CNTNAP2: variants seen among roughly 807,000 people sequenced by gnomAD.
The protein encoded by CNTNAP2 is contactin associated protein 2.
A neutral mutation model predicts 155.2 loss-of-function variants in CNTNAP2; 98 were observed. The ratio of observed to expected loss-of-function variants is 0.63; its 90% CI spans 0.54 to 0.75. CNTNAP2 has a LOEUF of 0.75. Ranked by LOEUF, CNTNAP2 falls within the 30% of genes least tolerant of loss-of-function variation. The probability of loss-of-function intolerance (pLI) is 0.00; values close to 1 mark genes in which losing one functional copy is unlikely to be tolerated. For synonymous variants in CNTNAP2, 651 were observed against 631.2 expected, an observed-to-expected ratio of 1.03 and a Z score of -0.47; for missense variants, 1,727 against 1,688.1, an observed-to-expected ratio of 1.02 and a Z score of -0.40.
intron 13 of CNTNAP2, among the ~76,000 whole-genome samples, chr7:147,797,757 A>C (rs889626157): frequency 1.4e-4 from 21 of 152,182 alleles, no homozygotes; most frequent in African/African-American, 4.6e-4. Flanking sequence ...TAAATTACTA[A>C]AGGTGAAGAG....
chr7:148,380,211 C>G (rs1585321649), intron 21 of CNTNAP2, among the ~76,000 whole-genome samples: 1 of 152,322 alleles, frequency 6.6e-6, no homozygotes, highest in Non-Finnish European at 1.5e-5. Context: ...AACGTTGTTT[C>G]TTACAGTAAA....
At chr7:148,306,722 T>C (rs1797497714) in intron 21 of CNTNAP2, among the ~76,000 whole-genome samples, 1 of 152,182 alleles carries the variant, frequency 6.6e-6, no homozygotes, top group African/African-American at 2.4e-5. Context: ...CTTTTCCTAC[T>C]CAGCCTCTTT....
chr7:147,723,986 T>C (rs1525256), intron 13 of CNTNAP2, among the ~76,000 whole-genome samples: 137,974 of 151,928 alleles, frequency 0.91, 64,073 homozygotes, highest in East Asian at 1. Context: ...CTGCACAGTG[T>C]ATTTTTTCTC....
At chr7:146,895,694 A>G (rs964444175) in intron 3 of CNTNAP2, among the ~76,000 whole-genome samples, 1 of 152,142 alleles carries the variant, frequency 6.6e-6, no homozygotes, top group Non-Finnish European at 1.5e-5. Context: ...ATTACATGGC[A>G]CCATGGACAC....
intron 17 of CNTNAP2, among the ~76,000 whole-genome samples, chr7:148,162,832 C>T (rs1448712776): frequency 6.7e-6 from 1 of 150,216 alleles, no homozygotes; most frequent in Non-Finnish European, 1.5e-5. Flanking sequence ...CTTGTCTCTA[C>T]AAAAAAAAAT....
chr7:148,356,226 A>C (rs534370178), intron 21 of CNTNAP2, among the ~76,000 whole-genome samples: 1 of 141,382 alleles, frequency 7.1e-6, no homozygotes, highest in South Asian at 2.1e-4. Context: ...TTTAAAATAT[A>C]AAAAAAAGAC....
intron 8 of CNTNAP2, among the ~76,000 whole-genome samples, chr7:147,161,199 T>A (rs1460571705): frequency 6.6e-6 from 1 of 152,098 alleles, no homozygotes; most frequent in Non-Finnish European, 1.5e-5. Flanking sequence ...AAGAAATCTC[T>A]ATGGGGATGA....
chr7:148,254,987 A>G (rs1796434726), intron 20 of CNTNAP2, among the ~76,000 whole-genome samples: 4 of 152,178 alleles, frequency 2.6e-5, no homozygotes, highest in Admixed American at 2.6e-4. Context: ...AAAAAATGCC[A>G]TATAAAATTA....
At position 147,679,806 on chromosome 7, in the gene CNTNAP2, A is replaced by G. The variant is rs139427217; in HGVS notation, c.2098+40500A>G. Among the ~76,000 whole-genome samples the G allele has an allele frequency of 1.6e-3, 241 of 152,042 alleles. 1 individual carries two copies. Among genetic ancestry groups the G allele is most frequent in the African/African-American group, 5.4e-3 (226 of 41,526 alleles). On this transcript the variant is annotated intron_variant, in intron 13 of 23. Coordinates refer to ENST00000361727, the MANE Select transcript of CNTNAP2 (RefSeq NM_014141.6). ...TAGTTGATTTAAGAAGTCTAGTATC[A>G]CGTCAGGATCATAATATATAGATAC...
rs35434111 is a variant in CNTNAP2, at chr7:146,465,134, C to CCA, written c.98-309120_98-309119dup. Among the ~76,000 whole-genome samples, 932 of 149,846 alleles carry CCA rather than the reference C, an allele frequency of 6.2e-3. 3 individuals carry two copies. Among genetic ancestry groups the CCA allele is most frequent in the African/African-American group, 0.016 (674 of 40,942 alleles). Reference sequence around the variant, plus strand: ...ACTAGTCTAAACATACACACACACACCACACACACACACACACAGCCCTTT... The same window carrying CCA: ...ACTAGTCTAAACATACACACACACACCACACACACACACACACACAGCCCTTT... On this transcript the variant is annotated intron_variant, in intron 1 of 23. Coordinates refer to ENST00000361727, the MANE Select transcript of CNTNAP2 (RefSeq NM_014141.6).
At chr7:146,990,848 C>T (rs1242085428) in intron 3 of CNTNAP2, among the ~76,000 whole-genome samples, 1 of 152,084 alleles carries the variant, frequency 6.6e-6, no homozygotes, top group African/African-American at 2.4e-5. Flanking sequence ...AGTCACCACA[C>T]AGTTTTAAGA....
intron 21 of CNTNAP2, among the ~76,000 whole-genome samples, chr7:148,315,320 T>C (rs1021438926): frequency 1.3e-5 from 2 of 151,842 alleles, no homozygotes; most frequent in Non-Finnish European, 2.9e-5. Context: ...CAAAGGGAGA[T>C]AGGGGTGAGG....
At chr7:148,018,398 T>G (rs1802217480) in intron 15 of CNTNAP2, among the ~76,000 whole-genome samples, 1 of 152,178 alleles carries the variant, frequency 6.6e-6, no homozygotes, top group Non-Finnish European at 1.5e-5. Flanking sequence ...GGGCAGAAAT[T>G]TCATTTCTAA....
intron 2 of CNTNAP2, among the ~76,000 whole-genome samples, chr7:146,798,992 T>A (rs1802820916): frequency 6.6e-6 from 1 of 152,180 alleles, no homozygotes; most frequent in Non-Finnish European, 1.5e-5. Context: ...ATATCCTCTT[T>A]CATACAAACT....
intron 1 of CNTNAP2, among the ~76,000 whole-genome samples, chr7:146,218,047 C>A (rs1474516108): frequency 6.6e-6 from 1 of 152,100 alleles, no homozygotes; most frequent in African/African-American, 2.4e-5. Flanking sequence ...GCAAATTATA[C>A]AGGCACACCT....
At position 146,926,196 on chromosome 7, in the gene CNTNAP2, T is replaced by C. The variant is rs182989649; in HGVS notation, c.402+86292T>C. Among the ~76,000 whole-genome samples the C allele has an allele frequency of 2.0e-4, 31 of 152,264 alleles. No individual in the cohort carries two copies. The South Asian group carries it at 4.8e-3, about 23-fold the overall frequency. ...TTAAATAACTAACCATGAATTCTTA[T>C]ATTTCTGATTAGTACGTTTCAAATT... On this transcript the variant is annotated intron_variant, in intron 3 of 23. Transcript: ENST00000361727.
At chr7:146,389,223 TCACACACACACACA>T (rs3050929) in intron 1 of CNTNAP2, among the ~76,000 whole-genome samples, 179 of 133,296 alleles carry the variant, frequency 1.3e-3, no homozygotes, top group African/African-American at 4.8e-3. Flanking sequence ...TAGGAAATAG[TCACACACACACACA>T]CACACACACA....
chr7:147,797,005 G>A (rs1484416270), intron 13 of CNTNAP2, among the ~76,000 whole-genome samples: 2 of 152,120 alleles, frequency 1.3e-5, no homozygotes, highest in African/African-American at 2.4e-5. Flanking sequence ...ATAATCTAAT[G>A]GATAAAGAAT....
chr7:147,657,391 T>C (rs1192177197), intron 13 of CNTNAP2, among the ~76,000 whole-genome samples: 2 of 151,958 alleles, frequency 1.3e-5, no homozygotes, highest in African/African-American at 2.4e-5. Flanking sequence ...ATGGGAGGGG[T>C]TGGCTTCGGT....
Sources: gnomAD v4.1 joint callset for allele counts (sites outside exome capture counted in the v4.1 genomes callset) on GRCh38, gnomAD v4.1.1 for gene constraint, MANE v1.5 for transcripts, NCBI Gene and HGNC (gene_info 2026-07-23, HGNC 2026-07-21) for gene names.